PDE11A: variants seen among roughly 807,000 people sequenced by gnomAD.
PDE11A encodes the protein phosphodiesterase 11A, also known as dual 3',5'-cyclic-AMP and -GMP phosphodiesterase 11A.
Under a neutral mutation model 100.5 loss-of-function variants are expected in PDE11A, and 100 were observed. The ratio of observed to expected loss-of-function variants is 1.00; its 90% confidence interval spans 0.85 to 1.18. The LOEUF (loss-of-function observed/expected upper bound fraction) is 1.18, where lower values mean the gene tolerates loss of function less well. PDE11A is among the 50% of genes most tolerant of loss of function. The pLI, the probability that PDE11A is intolerant of heterozygous loss-of-function variation, is 0.00. For missense variants in PDE11A, 1,141 were observed against 1,152.6 expected (o/e 0.99, Z 0.15); for synonymous variants, 381 against 420.8 (o/e 0.91, Z 1.16).
chr2:178,072,842 T>C, upstream of PDE11A: 4 of 1,174,946 alleles, frequency 3.4e-6, no homozygotes, highest in Non-Finnish European at 4.3e-6. Context: ...GCACGGAGCC[T>C]GGAGGGAGGA....
chr2:177,983,558 A>G (rs1397423585), intron 2 of PDE11A, among the ~76,000 whole-genome samples: 1 of 152,104 alleles, frequency 6.6e-6, no homozygotes, highest in East Asian at 1.9e-4. Flanking sequence ...TCAAAACCAC[A>G]CTCTAGGCCA....
At chr2:177,738,377 A>G (rs2081824194) in intron 10 of PDE11A, among the ~76,000 whole-genome samples, 2 of 152,158 alleles carry the variant, frequency 1.3e-5, no homozygotes, top group African/African-American at 4.8e-5. Context: ...ATGTCTTAGT[A>G]GCAGGAAAGT....
At chr2:177,995,285 T>A (rs1343447355) in intron 2 of PDE11A, among the ~76,000 whole-genome samples, 1 of 152,192 alleles carries the variant, frequency 6.6e-6, no homozygotes, top group Non-Finnish European at 1.5e-5. Context: ...TACAGTCTTT[T>A]GGAATGTTTA....
intron 12 of PDE11A, among the ~76,000 whole-genome samples, chr2:177,716,650 T>A (rs536079564): frequency 2.2e-4 from 33 of 152,236 alleles, no homozygotes; most frequent in Admixed American, 2.1e-3. Context: ...GAAAAGTCTA[T>A]CAAGTATGAA....
Position 177,697,544 on chromosome 2 carries a change from A to G in PDE11A, c.2245-112T>C, listed in dbSNP as rs149029662. The G allele has an allele frequency of 3.6e-5, 24 of 674,780 alleles. No individual in the cohort carries two copies. The East Asian group carries it at 3.7e-4, about 10-fold the overall frequency. 41.8% of individuals were successfully genotyped at this position (674,780 alleles called of 1,614,324 possible). On this transcript the variant is annotated intron_variant, in intron 14 of 19. Coordinates refer to ENST00000286063, the MANE Select transcript of PDE11A (RefSeq NM_016953.4). The stretch of plus-strand genomic sequence containing the variant: ...GGAACATTAAAAAAATCACTTTTTA[A>G]AAAGCATAGTGAAATTTTGTATAAA...
intron 9 of PDE11A, among the ~76,000 whole-genome samples, chr2:177,797,862 A>C (rs10930807): frequency 0.97 from 148,268 of 152,302 alleles, 72,287 homozygotes; most frequent in Middle Eastern, 1. Context: ...GATAAATTTT[A>C]TCTTCTCAGC....
chr2:177,884,420 C>T (rs1478680684), intron 4 of PDE11A, among the ~76,000 whole-genome samples: 1 of 152,142 alleles, frequency 6.6e-6, no homozygotes, highest in Non-Finnish European at 1.5e-5. Context: ...TTGCAATAGC[C>T]AGATGAAATG....
chr2:177,665,787 G>T (rs1167662620), intron 18 of PDE11A, among the ~76,000 whole-genome samples: 2 of 150,964 alleles, frequency 1.3e-5, no homozygotes, highest in Non-Finnish European at 1.5e-5. Flanking sequence ...AACCTGGGAG[G>T]CAGAGGTTGC....
At position 178,091,848 on chromosome 2, in the gene PDE11A, G is replaced by C. The variant is rs574865677; in HGVS notation, c.162+12454C>G. Among the ~76,000 whole-genome samples the C allele has an allele frequency of 1.3e-4, 20 of 152,176 alleles. No individual in the cohort carries two copies. In the South Asian group the frequency reaches 4.2e-3, roughly 32 times the overall value. On this transcript the variant is annotated intron_variant, in intron 2 of 20. Coordinates refer to the PDE11A transcript ENST00000358450. ...TTTCTCCCTCTCTCTCAGTGTCCCT[G>C]CTATCCTTCCCTGCAAATTTACCTT... is the stretch of plus-strand genomic sequence containing the variant.
chr2:177,898,359 A>C (rs2084644905), intron 3 of PDE11A, among the ~76,000 whole-genome samples, 161 bp from the exon 4 acceptor site: 1 of 152,312 alleles, frequency 6.6e-6, no homozygotes, highest in Non-Finnish European at 1.5e-5. Flanking sequence ...TTTATCTCTC[A>C]ATTTTAGAAC....
intron 4 of PDE11A, among the ~76,000 whole-genome samples, chr2:177,892,498 A>C (rs1051752782): frequency 6.6e-6 from 1 of 152,266 alleles, no homozygotes; most frequent in African/African-American, 2.4e-5. Flanking sequence ...TCTATAACTC[A>C]ACTAAATTTA....
rs1194626890 is a variant in PDE11A at position 178,080,136 on chromosome 2, T to A, written c.162+24166A>T. On this transcript the variant is annotated intron_variant, in intron 2 of 20. Transcript: ENST00000358450. ...ATAGTTTCTTTTGTTGTGCAGAAGCTCTTTAGCTTAATTAGATCCCATTTG... is the reference window on the plus strand; with the variant it reads ...ATAGTTTCTTTTGTTGTGCAGAAGCACTTTAGCTTAATTAGATCCCATTTG... Among the ~76,000 whole-genome samples, 3 of 152,352 alleles carry A rather than the reference T, an allele frequency of 2.0e-5. No homozygotes were observed. In the East Asian group the frequency reaches 5.8e-4, roughly 29 times the overall value.
chr2:177,941,729 C>T (rs1463910629), intron 2 of PDE11A, among the ~76,000 whole-genome samples: 1 of 152,162 alleles, frequency 6.6e-6, no homozygotes, highest in African/African-American at 2.4e-5. Flanking sequence ...GGAAAAGTAA[C>T]ATGTTCTACT....
intron 2 of PDE11A, chr2:177,922,964 A>AT (rs993665532): frequency 1.1e-5 from 3 of 261,640 alleles, no homozygotes; most frequent in African/African-American, 4.6e-5. Flanking sequence ...GACTCTACTT[A>AT]TTTTACAAGG....
At chr2:177,808,313 A>G (rs1574163111) in intron 9 of PDE11A, among the ~76,000 whole-genome samples, 1 of 152,228 alleles carries the variant, frequency 6.6e-6, no homozygotes, top group Non-Finnish European at 1.5e-5. Flanking sequence ...ACATGAGTAG[A>G]TAGTTATCAT....
intron 5 of PDE11A, among the ~76,000 whole-genome samples, chr2:177,845,642 A>T (rs1468011712): frequency 6.6e-6 from 1 of 152,144 alleles, no homozygotes; most frequent in Non-Finnish European, 1.5e-5. Flanking sequence ...GGCCGGGCAG[A>T]GGCTGCAATC....
intron 9 of PDE11A, among the ~76,000 whole-genome samples, chr2:177,798,988 G>T (rs927381952): frequency 2.6e-5 from 4 of 152,086 alleles, no homozygotes; most frequent in Non-Finnish European, 5.9e-5. Flanking sequence ...ATCAATCATG[G>T]TAAGTCATTT....
chr2:178,067,106 C>T (rs953872633), intron 1 of PDE11A, among the ~76,000 whole-genome samples: 1 of 152,172 alleles, frequency 6.6e-6, no homozygotes, highest in Non-Finnish European at 1.5e-5. Context: ...CAAATCCAAA[C>T]CCACAGGCCA....
chr2:177,812,525 CT>C (rs1158028336), intron 9 of PDE11A, among the ~76,000 whole-genome samples: 2 of 152,048 alleles, frequency 1.3e-5, no homozygotes, highest in Non-Finnish European at 2.9e-5. Context: ...AAGAAATATA[CT>C]TGAATATATA....
Sources: allele counts gnomAD v4.1 joint callset (sites outside exome capture counted in the v4.1 genomes callset), GRCh38; gene constraint gnomAD v4.1.1; transcripts MANE v1.5; gene names NCBI Gene and HGNC (gene_info 2026-07-23, HGNC 2026-07-21).